Variants in SLC37A1 observed in about 807,000 individuals in gnomAD.
The protein encoded by SLC37A1 is glucose-6-phosphate exchanger SLC37A1.
Under a neutral mutation model 75.3 loss-of-function variants are expected in SLC37A1, and 49 were observed. The ratio of observed to expected loss-of-function variants is 0.65; its 90% confidence interval spans 0.52 to 0.83. The LOEUF is 0.83. Among genes scored for constraint, SLC37A1 ranks in the 40% least tolerant of loss-of-function variants. The probability of loss-of-function intolerance (pLI) is 0.00; values close to 1 mark genes in which losing one functional copy is unlikely to be tolerated. For synonymous variants in SLC37A1, 268 were observed against 292.1 expected (o/e 0.92, Z 0.84); for missense variants, 566 against 695.0 (o/e 0.81, Z 2.09).
intron 3 of SLC37A1, among the ~76,000 whole-genome samples, chr21:42,528,888 G>C (rs111939756): frequency 2.0e-5 from 3 of 152,130 alleles, no homozygotes; most frequent in Admixed American, 2.0e-4. Flanking sequence ...TGAAAAGCTG[G>C]AAGTATGTAC....
At chr21:42,579,684 C>A in intron 18 of SLC37A1, 52 bp from the exon 19 acceptor site, 2 of 1,606,640 alleles carry the variant, frequency 1.2e-6, no homozygotes, top group Non-Finnish European at 1.7e-6. Flanking sequence ...ACGGCGCGGG[C>A]CGCCCTGTGC....
At chr21:42,512,443 C>T (rs1459852451), upstream of SLC37A1, among the ~76,000 whole-genome samples, 1 of 152,130 alleles carries the variant, frequency 6.6e-6, no homozygotes, top group South Asian at 2.1e-4. Flanking sequence ...GAAGTGAGAA[C>T]GCTGTTGCAC....
intron 3 of SLC37A1, among the ~76,000 whole-genome samples, chr21:42,527,614 G>A (rs142719628): frequency 1.5e-3 from 235 of 152,274 alleles, no homozygotes; most frequent in African/African-American, 5.5e-3. Flanking sequence ...ATTGAGGCTC[G>A]GGTCTTCGTT....
intron 12 of SLC37A1, among the ~76,000 whole-genome samples, chr21:42,562,742 G>A (rs2055862823): frequency 6.6e-6 from 1 of 152,186 alleles, no homozygotes; most frequent in Non-Finnish European, 1.5e-5. Context: ...AAGGGAAGGA[G>A]CCGTTGAGTG....
At position 42,570,966 on chromosome 21, in the gene SLC37A1, G is replaced by A. The variant is rs141622557; in HGVS notation, c.1423+2528G>A. On this transcript the variant is annotated intron_variant, in intron 17 of 19. Coordinates refer to ENST00000352133, the MANE Select transcript of SLC37A1 (RefSeq NM_001320537.2). ...TCCTGACTGTCCGCGGAGCTGCCGC[G>A]CCCACCTTGATGGCTGCTGCGTTAC... Among the ~76,000 whole-genome samples the A allele has an allele frequency of 5.8e-3, 884 of 152,278 alleles. 6 individuals are homozygous for A. Among genetic ancestry groups the A allele is most frequent in the African/African-American group, 0.02 (831 of 41,538 alleles).
intron 17 of SLC37A1, among the ~76,000 whole-genome samples, chr21:42,569,951 T>C (rs1304124330): frequency 6.6e-6 from 1 of 150,492 alleles, no homozygotes; most frequent in Non-Finnish European, 1.5e-5. Context: ...CTGCTGCTGC[T>C]GCGTTTCCTT....
chr21:42,539,462 A>G (rs1265985572), intron 5 of SLC37A1, 50 bp from the exon 6 acceptor site: 17 of 1,569,404 alleles, frequency 1.1e-5, no homozygotes, highest in Non-Finnish European at 1.4e-5. Flanking sequence ...GGTTGCTAAC[A>G]TTCGGGCGTG....
intron 2 of SLC37A1, among the ~76,000 whole-genome samples, chr21:42,503,499 T>C (rs2054359153): frequency 6.6e-6 from 1 of 152,102 alleles, no homozygotes; most frequent in African/African-American, 2.4e-5. Context: ...TCCACTCACC[T>C]CAGCCTCCCA....
Position 42,579,764 on chromosome 21 carries a change from T to G in SLC37A1, c.1550T>G (p.Leu517Arg). 1 of 1,614,180 alleles carries G rather than the reference T, an allele frequency of 6.2e-7. No individual in the cohort carries two copies. The change falls in exon 19 of 20, where the codon CTG becomes CGG. Residue 517 changes from leucine to arginine, a missense_variant. Coordinates refer to ENST00000352133, the MANE Select transcript of SLC37A1 (RefSeq NM_001320537.2). ...LFLIRLIHKE[L>R]SCPGSATGDQ... The stretch of plus-strand genomic sequence containing the variant: ...CTGATCCGCCTCATACACAAGGAGC[T>G]GAGCTGCCCAGGGTCAGCTACGGGG...
chr21:42,559,623 C>G (rs1314962622), intron 11 of SLC37A1, among the ~76,000 whole-genome samples: 1 of 152,264 alleles, frequency 6.6e-6, no homozygotes, highest in Non-Finnish European at 1.5e-5. Context: ...CGCCTATAAT[C>G]CCAGCACTTT....
At chr21:42,530,450 A>G (rs2146796827) in intron 3 of SLC37A1, among the ~76,000 whole-genome samples, 1 of 152,224 alleles carries the variant, frequency 6.6e-6, no homozygotes, top group East Asian at 1.9e-4. Flanking sequence ...CCAAAACTGT[A>G]ATTGCTCTTC....
chr21:42,562,273 G>A (rs1199834307), intron 12 of SLC37A1, 105 bp downstream of exon 12: 2 of 989,804 alleles, frequency 2.0e-6, no homozygotes, highest in Non-Finnish European at 3.2e-6. Context: ...GGTCATGAAG[G>A]GTGATTTGAG....
intron 11 of SLC37A1, among the ~76,000 whole-genome samples, chr21:42,559,954 G>A (rs1269067917): frequency 1.3e-5 from 2 of 151,972 alleles, no homozygotes; most frequent in South Asian, 2.1e-4. Context: ...AGCAGAGGAT[G>A]CCAAGAGTGA....
At chr21:42,565,695 T>C in intron 14 of SLC37A1, 132 bp from the exon 15 acceptor site, 1 of 775,904 alleles carries the variant, frequency 1.3e-6, no homozygotes, top group Admixed American at 2.3e-5. Context: ...GCCGTCACGC[T>C]TTTTTAGGGG....
intron 2 of SLC37A1, among the ~76,000 whole-genome samples, chr21:42,523,536 G>T (rs1442745039): frequency 6.6e-6 from 1 of 152,250 alleles, no homozygotes; most frequent in Admixed American, 6.5e-5. Context: ...TTCTTTCCTT[G>T]CCAGAAAGGA....
rs370200672 is a variant in SLC37A1 at position 42,547,114 on chromosome 21, G to T, written c.742G>T (p.Val248Phe). Reference sequence around the variant, plus strand: ...GTTTGCTCTTTCAGATCCGAACGACGTCAGGTGCTCCTCCACCCTGGTGAC... The same window carrying T: ...GTTTGCTCTTTCAGATCCGAACGACTTCAGGTGCTCCTCCACCCTGGTGAC... The part of the protein sequence containing the change: ...FLFLIEHPND[V>F]RCSSTLVTHS... The change falls in exon 9 of 20, where the codon GTC becomes TTC. Residue 248 changes from valine (V) to phenylalanine (F), a missense_variant. Physicochemically the swap from Val to Phe is conservative, Grantham distance 50. Transcript: ENST00000352133. This position sits in a 1 kb window ranked among gnomAD's most constrained non-coding sequence, Gnocchi z 6.1. 1 of 1,614,178 alleles carries T rather than the reference G, an allele frequency of 6.2e-7. No individual in the cohort carries two copies. The highest frequency in any genetic ancestry group is 8.5e-7 in the Non-Finnish European group (1 of 1,180,022).
chr21:42,520,410 A>C (rs1025116097), intron 2 of SLC37A1, among the ~76,000 whole-genome samples: 3 of 152,152 alleles, frequency 2.0e-5, no homozygotes, highest in African/African-American at 7.2e-5. Context: ...CTTATTTTAT[A>C]GAATGTGCCA....
chr21:42,539,693 T>C (rs1304154302), intron 6 of SLC37A1, 46 bp downstream of exon 6: 1 of 1,577,764 alleles, frequency 6.3e-7, no homozygotes, highest in Non-Finnish European at 8.6e-7. Flanking sequence ...GTTTCCTTGG[T>C]GAATAGGGTG....
intron 3 of SLC37A1, among the ~76,000 whole-genome samples, chr21:42,533,575 C>T (rs2055053224): frequency 6.6e-6 from 1 of 151,888 alleles, no homozygotes; most frequent in Admixed American, 6.6e-5. Context: ...GCCCCTCTGC[C>T]TCCCAACGAG....
Sources: allele counts gnomAD v4.1 joint callset (sites outside exome capture counted in the v4.1 genomes callset), GRCh38; gene constraint gnomAD v4.1.1; non-coding constraint Gnocchi (gnomAD v3.1); transcripts MANE v1.5; gene names NCBI Gene and HGNC (gene_info 2026-07-23, HGNC 2026-07-21).